THSD7B: variants seen among roughly 807,000 people sequenced by gnomAD.
THSD7B encodes the protein thrombospondin type 1 domain containing 7B.
In THSD7B, 138 loss-of-function variants were observed where a neutral mutation model predicts 213.6. The ratio of observed to expected loss-of-function variants is 0.65; its 90% CI spans 0.56 to 0.74. The LOEUF is 0.74. Among genes scored for constraint, THSD7B ranks in the 30% least tolerant of loss-of-function variants. THSD7B has a pLI of 0.00. For synonymous variants in THSD7B, 742 were observed against 687.0 expected, an observed-to-expected ratio of 1.08 and a Z score of -1.25; for missense variants, 1,931 against 1,991.5, an observed-to-expected ratio of 0.97 and a Z score of 0.58.
In THSD7B at chr2:137,095,042, G is replaced by A. The variant is rs1437174867; in HGVS notation, c.1120G>A (p.Gly374Arg). The stretch of plus-strand genomic sequence containing the variant: ...CCGGAACGTGAAGCACATGGCTATT[G>A]GAGGTGGAAAGGAGTGTCCTGAACT... ...RSRNVKHMAIGGGKECPELLE... is the reference protein window; with the variant it reads ...RSRNVKHMAIRGGKECPELLE... The change falls in exon 4 of 28, where the codon GGA becomes AGA. Residue 374 changes from glycine to arginine, a missense_variant. Gly to Arg is a moderately radical substitution (Grantham distance 125, BLOSUM62 -2). Transcript: ENST00000409968. 1 of 1,613,692 alleles carries A rather than the reference G, an allele frequency of 6.2e-7. No homozygotes were observed. The highest frequency in any genetic ancestry group is 1.3e-5 in the African/African-American group (1 of 74,896).
At chr2:137,668,249 G>A (rs1471851053) in intron 27 of THSD7B, among the ~76,000 whole-genome samples, 2 of 152,042 alleles carry the variant, frequency 1.3e-5, no homozygotes, top group African/African-American at 4.8e-5. Flanking sequence ...AGCTTCTCAG[G>A]TAATTCTAAT....
intron 3 of THSD7B, among the ~76,000 whole-genome samples, chr2:137,076,140 G>T (rs1360460297): frequency 6.6e-6 from 1 of 152,228 alleles, no homozygotes; most frequent in Non-Finnish European, 1.5e-5. Flanking sequence ...TAAGTCTGCA[G>T]AGGTTACTGC....
At chr2:137,585,604 G>A (rs970402885) in intron 17 of THSD7B, among the ~76,000 whole-genome samples, 5 of 151,976 alleles carry the variant, frequency 3.3e-5, no homozygotes, top group African/African-American at 1.2e-4. Context: ...ATACCCAGTA[G>A]TCTTTCAGGA....
rs1350144563 is a variant in THSD7B at position 137,655,664 on chromosome 2, T to C, written c.4105+4T>C. On this transcript the variant is annotated splice_donor_region_variant and intron_variant, in intron 22 of 27. Coordinates refer to ENST00000409968, the MANE Select transcript of THSD7B (RefSeq NM_001316349.2). ...CTGTGTTCTGTGCCTTGCCCAGGTATGCAATGCTAGTGATTGGGAGCGCCT... is the reference window on the plus strand; with the variant it reads ...CTGTGTTCTGTGCCTTGCCCAGGTACGCAATGCTAGTGATTGGGAGCGCCT... 3.1e-6 allele frequency: 5 copies of C among 1,612,014 alleles called. No homozygotes were observed. Among genetic ancestry groups the C allele is most frequent in the South Asian group, 2.2e-5 (2 of 90,574 alleles).
At chr2:136,874,423 G>A (rs915020597) in intron 1 of THSD7B, among the ~76,000 whole-genome samples, 7 of 152,168 alleles carry the variant, frequency 4.6e-5, no homozygotes, top group Admixed American at 6.5e-5. Context: ...CAATAGCCCC[G>A]TTGATCGGCC....
rs80143425 is a variant in THSD7B at position 136,813,433 on chromosome 2, G to C, written c.-36+47746G>C. ...CCCATTTCCCAAGAGAAGGAAAAAT[G>C]GAGCGCCTGCTCTTCGAGATGACTT... On this transcript the variant is annotated intron_variant, in intron 1 of 27. Transcript: ENST00000409968. Among the ~76,000 whole-genome samples, 543 of 144,094 alleles carry C rather than the reference G, an allele frequency of 3.8e-3. 22 individuals carry two copies. The East Asian group carries it at 0.078, about 21-fold the overall frequency. The allele number at this position is 144,094 out of a possible 152,430, so 94.5% of individuals were successfully genotyped here.
intron 15 of THSD7B, among the ~76,000 whole-genome samples, chr2:137,553,672 C>T (rs181662714): frequency 6.6e-6 from 1 of 152,048 alleles, no homozygotes; most frequent in Non-Finnish European, 1.5e-5. Flanking sequence ...CCCTATTAAA[C>T]CTTGTTATTT....
chr2:137,669,106 G>A (rs1366032412), intron 27 of THSD7B, among the ~76,000 whole-genome samples: 3 of 152,054 alleles, frequency 2.0e-5, no homozygotes, highest in Non-Finnish European at 2.9e-5. Context: ...AGATCAAAGT[G>A]TTACTTCAAT....
intron 2 of THSD7B, among the ~76,000 whole-genome samples, chr2:137,002,973 A>G (rs997104236): frequency 3.3e-5 from 5 of 152,200 alleles, no homozygotes; most frequent in African/African-American, 1.2e-4. Context: ...GTCACTGAGC[A>G]TTTTATGGTG....
Position 137,557,789 on chromosome 2 carries a change from A to G in THSD7B, c.3139-5432A>G, listed in dbSNP as rs182970383. On this transcript the variant is annotated intron_variant, in intron 15 of 27. Coordinates refer to ENST00000409968, the MANE Select transcript of THSD7B (RefSeq NM_001316349.2). Reference sequence around the variant, plus strand: ...ATGAATCCAGGAGCTGGTTTTTTGAAAAGATCAACAAAATTGATAGACCAC... The same window carrying G: ...ATGAATCCAGGAGCTGGTTTTTTGAGAAGATCAACAAAATTGATAGACCAC... 0.011 allele frequency among the ~76,000 whole-genome samples: 1,661 copies of G among 152,326 alleles called. 71 individuals are homozygous for G. The East Asian group carries it at 0.12, about 11-fold the overall frequency.
At chr2:136,922,227 A>G (rs1475782613) in intron 2 of THSD7B, among the ~76,000 whole-genome samples, 1 of 152,170 alleles carries the variant, frequency 6.6e-6, no homozygotes, top group Non-Finnish European at 1.5e-5. Context: ...CTGTCGCTAC[A>G]TTCTCCAACC....
chr2:137,385,268 G>A (rs1394823652), intron 12 of THSD7B, among the ~76,000 whole-genome samples: 1 of 152,230 alleles, frequency 6.6e-6, no homozygotes, highest in African/African-American at 2.4e-5. Flanking sequence ...TGATTACCTA[G>A]TAGGGAGCTC....
intron 17 of THSD7B, among the ~76,000 whole-genome samples, chr2:137,602,604 A>T (rs1238427726): frequency 6.6e-6 from 1 of 152,150 alleles, no homozygotes; most frequent in Admixed American, 6.5e-5. Context: ...GAACTTCAAT[A>T]TCAAGATGCC....
intron 1 of THSD7B, among the ~76,000 whole-genome samples, chr2:136,792,473 A>C (rs1681984737): frequency 6.6e-6 from 1 of 152,000 alleles, no homozygotes; most frequent in Non-Finnish European, 1.5e-5. Flanking sequence ...AAAACTCATA[A>C]AATGTATAAC....
intron 20 of THSD7B, among the ~76,000 whole-genome samples, chr2:137,638,146 G>A (rs10928620): frequency 0.17 from 25,749 of 152,052 alleles, 2,237 homozygotes; most frequent in South Asian, 0.25. Flanking sequence ...GCCCTTGCCT[G>A]TATCATCACT....
intron 21 of THSD7B, among the ~76,000 whole-genome samples, chr2:137,651,693 T>C (rs989477107): frequency 5.3e-5 from 8 of 152,094 alleles, no homozygotes; most frequent in African/African-American, 1.7e-4. Flanking sequence ...AGACATTTAT[T>C]GCTGTAAACT....
chr2:137,344,659 G>A (rs763456339), intron 12 of THSD7B, among the ~76,000 whole-genome samples: 6 of 151,460 alleles, frequency 4.0e-5, no homozygotes, highest in Non-Finnish European at 7.4e-5. Context: ...TCACCAGTTT[G>A]GACGAACCAT....
chr2:137,004,348 A>C lies in THSD7B; in HGVS notation c.140-52072A>C, dbSNP rs369860938. Reference sequence around the variant, plus strand: ...ACACACACACACACACACACACACAAACTTATTCCAGGAGAACCATTATAA... The same window carrying C: ...ACACACACACACACACACACACACACACTTATTCCAGGAGAACCATTATAA... On this transcript the variant is annotated intron_variant, in intron 2 of 27. Transcript: ENST00000409968. Among the ~76,000 whole-genome samples, 165 of 105,910 alleles carry C rather than the reference A, an allele frequency of 1.6e-3. 3 individuals are homozygous for C. The highest frequency in any genetic ancestry group is 1.4e-3 in the African/African-American group (42 of 28,978). The allele number at this position is 105,910 out of a possible 152,430, so 69.5% of individuals were successfully genotyped here. A position where few individuals can be genotyped will look rare whatever the true frequency, so the allele number is the denominator to read the frequency against.
At chr2:136,842,556 G>A (rs1213116635) in intron 1 of THSD7B, among the ~76,000 whole-genome samples, 1 of 152,194 alleles carries the variant, frequency 6.6e-6, no homozygotes, top group African/African-American at 2.4e-5. Flanking sequence ...TTCTATCTCA[G>A]GGTTATTAGG....
Sources: allele counts gnomAD v4.1 joint callset (sites outside exome capture counted in the v4.1 genomes callset), GRCh38; gene constraint gnomAD v4.1.1; transcripts MANE v1.5; gene names NCBI Gene and HGNC (gene_info 2026-07-23, HGNC 2026-07-21).